The following FOCAD variants were observed in gnomAD, a reference collection of about 807,000 sequenced individuals.
The protein encoded by FOCAD is focadhesin.
Under a neutral mutation model 225.6 loss-of-function variants are expected in FOCAD, and 198 were observed. That is an observed-to-expected ratio of 0.88 (90% CI 0.78 to 0.99). The LOEUF (loss-of-function observed/expected upper bound fraction) is 0.99. FOCAD is among the 50% of genes least tolerant of loss of function. FOCAD has a pLI of 0.00. For missense variants in FOCAD, 2,713 were observed against 2,123.6 expected, an observed-to-expected ratio of 1.28 and a Z score of -5.46; for synonymous variants, 897 against 755.0, an observed-to-expected ratio of 1.19 and a Z score of -3.08.
intron 10 of FOCAD, among the ~76,000 whole-genome samples, chr9:20,786,412 A>C (rs1819924958): frequency 6.6e-6 from 1 of 152,160 alleles, no homozygotes; most frequent in Admixed American, 6.5e-5. Context: ...ACCACTCCCA[A>C]ATCTCTCAGC....
intron 10 of FOCAD, among the ~76,000 whole-genome samples, chr9:20,784,195 C>G (rs758409507): frequency 2.0e-5 from 3 of 152,168 alleles, no homozygotes; most frequent in Non-Finnish European, 4.4e-5. Context: ...ATTGGCTGAG[C>G]TGGTCCACTG....
intron 4 of FOCAD, among the ~76,000 whole-genome samples, chr9:20,725,096 C>T (rs539065289): frequency 6.6e-5 from 10 of 152,324 alleles, no homozygotes; most frequent in African/African-American, 2.4e-4. Context: ...TTGCTTGAAC[C>T]TGGAAGCAGA....
At chr9:20,748,538 CATT>C (rs1274016819) in intron 5 of FOCAD, among the ~76,000 whole-genome samples, 2 of 151,918 alleles carry the variant, frequency 1.3e-5, no homozygotes, top group South Asian at 4.2e-4. Context: ...TTGTAGAAAT[CATT>C]ATAGAAAAAT....
intron 14 of FOCAD, among the ~76,000 whole-genome samples, chr9:20,822,394 G>A (rs941167566): frequency 6.6e-6 from 1 of 152,034 alleles, no homozygotes; most frequent in East Asian, 1.9e-4. Context: ...GAAATTAATG[G>A]TATTCTGGGG....
At chr9:20,978,839 T>G (rs1840437850) in intron 37 of FOCAD, among the ~76,000 whole-genome samples, 1 of 151,898 alleles carries the variant, frequency 6.6e-6, no homozygotes, top group South Asian at 2.1e-4. Flanking sequence ...GACTTATCCA[T>G]GTATTATCCT....
At chr9:20,912,066 A>G (rs1351407246) in intron 22 of FOCAD, among the ~76,000 whole-genome samples, 1 of 151,928 alleles carries the variant, frequency 6.6e-6, no homozygotes, top group East Asian at 1.9e-4. Context: ...AGTAACCAGA[A>G]CTCTTGTTTA....
Position 20,850,747 on chromosome 9 carries a change from G to A in FOCAD, c.1921-11831G>A, listed in dbSNP as rs116977280. Among the ~76,000 whole-genome samples the A allele has an allele frequency of 6.3e-3, 951 of 150,944 alleles. 8 individuals are homozygous for A. Among genetic ancestry groups the A allele is most frequent in the Non-Finnish European group, 0.012 (779 of 67,538 alleles). The stretch of plus-strand genomic sequence containing the variant: ...TTGGAAATTAAAAAGACACAACAGA[G>A]CATCTGGTACATAATTGCTCTTTAA... On this transcript the variant is annotated intron_variant, in intron 15 of 43. Coordinates refer to ENST00000338382, the MANE Select transcript of FOCAD (RefSeq NM_001375567.1).
At chr9:20,785,147 C>T (rs1819781826) in intron 10 of FOCAD, among the ~76,000 whole-genome samples, 1 of 152,144 alleles carries the variant, frequency 6.6e-6, no homozygotes, top group South Asian at 2.1e-4. Flanking sequence ...TTATTGATCT[C>T]ATTTTACCTA....
At chr9:20,826,620 G>T (rs948371663) in intron 15 of FOCAD, among the ~76,000 whole-genome samples, 2 of 152,034 alleles carry the variant, frequency 1.3e-5, no homozygotes, top group Admixed American at 6.6e-5. Context: ...TGTCCCTCTA[G>T]AGAACCCTAA....
chr9:20,715,668 G>C (rs764089828), intron 2 of FOCAD, among the ~76,000 whole-genome samples: 2 of 151,896 alleles, frequency 1.3e-5, no homozygotes, highest in African/African-American at 4.8e-5. Context: ...TGATTAACTA[G>C]TAGGCCCCTG....
At chr9:20,923,209 C>T (rs952508093) in intron 24 of FOCAD, among the ~76,000 whole-genome samples, 3 of 152,126 alleles carry the variant, frequency 2.0e-5, no homozygotes, top group African/African-American at 7.2e-5. Context: ...AAGTGGTTTG[C>T]TAGAAGCCAG....
In FOCAD at chr9:20,948,852, G is replaced by A. The variant is rs1278950675; in HGVS notation, c.3800G>A (p.Gly1267Asp). The change falls in exon 32 of 44, where the codon GGC becomes GAC. Residue 1267 changes from glycine (G) to aspartate (D), a missense_variant and splice_region_variant. Physicochemically the swap from Gly to Asp is moderately conservative, Grantham distance 94. Transcript: ENST00000338382. ...CATATTCTGATGCTTTGTTTTCAGGGCACTCCCACAATGCTTTGTCTGGCA... is the reference window on the plus strand; with the variant it reads ...CATATTCTGATGCTTTGTTTTCAGGACACTCCCACAATGCTTTGTCTGGCA... Reference protein sequence around the residue: ...PAWIRIVLTEGTPTMLCLAAL... With the variant: ...PAWIRIVLTEDTPTMLCLAAL... The A allele has an allele frequency of 3.1e-6, 5 of 1,613,266 alleles. No homozygotes were observed. The East Asian group carries it at 6.7e-5, about 22-fold the overall frequency.
At chr9:20,815,780 A>G (rs1383155033) in intron 11 of FOCAD, among the ~76,000 whole-genome samples, 2 of 152,138 alleles carry the variant, frequency 1.3e-5, no homozygotes, top group Non-Finnish European at 2.9e-5. Context: ...CTGAGCATTC[A>G]TTGTATTTTC....
chr9:20,835,423 T>G (rs1319308953), intron 15 of FOCAD, among the ~76,000 whole-genome samples: 1 of 152,110 alleles, frequency 6.6e-6, no homozygotes, highest in East Asian at 1.9e-4. Flanking sequence ...GTTGCCTTAT[T>G]AATTGTGATA....
intron 15 of FOCAD, among the ~76,000 whole-genome samples, chr9:20,824,099 C>G (rs900305669): frequency 6.6e-6 from 1 of 152,086 alleles, no homozygotes; most frequent in Non-Finnish European, 1.5e-5. Flanking sequence ...AATGCTTTCA[C>G]ATCCTGTGCC....
chr9:20,795,039 A>G (rs1820908663), intron 11 of FOCAD, among the ~76,000 whole-genome samples: 2 of 152,230 alleles, frequency 1.3e-5, no homozygotes, highest in African/African-American at 4.8e-5. Context: ...ATAATTGTTT[A>G]TGTAAAATAT....
intron 19 of FOCAD, among the ~76,000 whole-genome samples, chr9:20,878,930 C>T (rs1197999781): frequency 6.6e-6 from 1 of 152,176 alleles, no homozygotes; most frequent in African/African-American, 2.4e-5. Context: ...AAAGCAGCAG[C>T]AGAAGCCTGT....
At chr9:20,966,668 C>A (rs1180548897) in intron 35 of FOCAD, among the ~76,000 whole-genome samples, 2 of 151,914 alleles carry the variant, frequency 1.3e-5, no homozygotes, top group Non-Finnish European at 2.9e-5. Context: ...AAGCTGTTAA[C>A]CCATTTTGCG....
In FOCAD at chr9:20,720,436, A is replaced by G; in HGVS notation, c.189A>G (p.Arg63=). The G allele has an allele frequency of 6.2e-7, 1 of 1,614,106 alleles. No individual in the cohort carries two copies. Among genetic ancestry groups the G allele is most frequent in the Non-Finnish European group, 8.5e-7 (1 of 1,179,984 alleles). Residue 63 remains arginine, a synonymous_variant, in exon 4 of 44, where the codon CGA becomes CGG. Transcript: ENST00000338382. The part of the protein sequence containing the change: ...EKCCSDNVVV[R]TACCEGLVAL... ...GTTGCAGTGACAATGTAGTGGTTCGAACAGCCTGCTGTGAAGGTCTGGTGG... is the reference window on the plus strand; with the variant it reads ...GTTGCAGTGACAATGTAGTGGTTCGGACAGCCTGCTGTGAAGGTCTGGTGG...
Sources: allele counts gnomAD v4.1 joint callset (sites outside exome capture counted in the v4.1 genomes callset), GRCh38; gene constraint gnomAD v4.1.1; transcripts MANE v1.5; gene names NCBI Gene and HGNC (gene_info 2026-07-23, HGNC 2026-07-21).